The following HMBOX1 variants were observed in gnomAD, a reference collection of about 807,000 sequenced individuals.
HMBOX1 encodes homeobox containing 1.
A neutral mutation model predicts 54.5 loss-of-function variants in HMBOX1; 14 were observed. The observed-to-expected ratio is 0.26, with a 90% CI of 0.17 to 0.40. HMBOX1 has a LOEUF of 0.40. Among genes scored for constraint, HMBOX1 ranks in the 10% least tolerant of loss-of-function variants. The probability of loss-of-function intolerance (pLI) is 1.00; values close to 1 mark genes in which losing one functional copy is unlikely to be tolerated. For missense variants in HMBOX1, 332 were observed against 514.4 expected (o/e 0.65, Z 3.43); for synonymous variants, 160 against 181.0 (o/e 0.88, Z 0.93).
chr8:28,951,426 C>T (rs543415048), intron 1 of HMBOX1, among the ~76,000 whole-genome samples: 12 of 152,236 alleles, frequency 7.9e-5, no homozygotes, highest in Admixed American at 7.2e-4. Flanking sequence ...CCACTGCGCC[C>T]GGCCCAAATA....
rs1186392080 is a variant in HMBOX1 at position 28,970,434 on chromosome 8, G to A, written c.415G>A (p.Ala139Thr). 6.2e-7 allele frequency: 1 copy of A among 1,614,070 alleles called. No individual in the cohort carries two copies. The highest frequency in any genetic ancestry group is 1.1e-5 in the South Asian group (1 of 91,078). ...AAAGATGTCACCAACTCGCTACCAT[G>A]CAAACAGCATGGGTCAGAGGTCATA... is the stretch of plus-strand genomic sequence containing the variant. ...NGKMSPTRYHANSMGQRSYSF... is the reference protein window; with the variant it reads ...NGKMSPTRYHTNSMGQRSYSF... The change falls in exon 3 of 10, where the codon GCA becomes ACA. Residue 139 changes from alanine to threonine, a missense_variant. Coordinates refer to ENST00000287701, the MANE Select transcript of HMBOX1 (RefSeq NM_001135726.3). The surrounding 1 kb of genome is among the most constrained non-coding windows in gnomAD (Gnocchi z 4.3).
chr8:29,053,259 C>G lies in HMBOX1; in HGVS notation c.*2104C>G, dbSNP rs1410002553. On this transcript the variant is annotated 3_prime_UTR_variant, in exon 10 of 10. Transcript: ENST00000287701. ...AAAATATATGTACTTTTTTCAGCTT[C>G]CAAGCATTGAAGTGAAGTGGAGCCG... 6.6e-6 allele frequency: 1 copy of G among 152,036 alleles called. No homozygotes were observed. Among genetic ancestry groups the G allele is most frequent in the African/African-American group, 2.4e-5 (1 of 41,384 alleles). The allele number at this position is 152,036 out of a possible 1,614,324, so 9.4% of individuals were successfully genotyped here. A position where few individuals can be genotyped will look rare whatever the true frequency, so the allele number is the denominator to read the frequency against.
At chr8:28,908,026 T>A (rs1248836140) in intron 1 of HMBOX1, among the ~76,000 whole-genome samples, 1 of 152,124 alleles carries the variant, frequency 6.6e-6, no homozygotes, top group Non-Finnish European at 1.5e-5. Context: ...CTAGTTTTTG[T>A]ATTTTTTGTA....
intron 1 of HMBOX1, among the ~76,000 whole-genome samples, chr8:28,935,037 A>G (rs559275161): frequency 1.8e-4 from 27 of 152,234 alleles, no homozygotes; most frequent in Non-Finnish European, 3.1e-4. Flanking sequence ...AGTGGCATCA[A>G]AAAATGAAAT....
chr8:28,936,002 AAAG>A (rs1271995366), intron 1 of HMBOX1, among the ~76,000 whole-genome samples: 2 of 152,084 alleles, frequency 1.3e-5, no homozygotes, highest in African/African-American at 4.8e-5. Context: ...AAAAAATAGA[AAAG>A]AATATATATA....
intron 1 of HMBOX1, among the ~76,000 whole-genome samples, chr8:28,960,975 C>T (rs953748276): frequency 4.6e-5 from 7 of 151,210 alleles, no homozygotes; most frequent in African/African-American, 1.7e-4. Flanking sequence ...TTGGTAGAGA[C>T]GGGGTTTCAC....
chr8:28,964,476 A>G (rs1169577961), intron 2 of HMBOX1, among the ~76,000 whole-genome samples: 1 of 152,244 alleles, frequency 6.6e-6, no homozygotes, highest in East Asian at 1.9e-4. Context: ...ACCAGTTCAT[A>G]TTAAATAGGC....
At chr8:28,932,773 C>T (rs1819679483) in intron 1 of HMBOX1, among the ~76,000 whole-genome samples, 1 of 152,186 alleles carries the variant, frequency 6.6e-6, no homozygotes, top group Non-Finnish European at 1.5e-5. Flanking sequence ...TCCTCAGGAG[C>T]TGCATTTAGG....
intron 6 of HMBOX1, among the ~76,000 whole-genome samples, chr8:29,029,702 CTTACGG>C (rs1443483489): frequency 6.6e-6 from 1 of 152,188 alleles, no homozygotes; most frequent in African/African-American, 2.4e-5. Flanking sequence ...ATTTTGAGAA[CTTACGG>C]TTACGGGAAC....
chr8:29,029,809 G>A (rs1802635019), intron 6 of HMBOX1, among the ~76,000 whole-genome samples: 1 of 152,242 alleles, frequency 6.6e-6, no homozygotes, highest in South Asian at 2.1e-4. Context: ...TTTATTGACG[G>A]TTGCTAAGGT....
At position 29,051,195 on chromosome 8, in the gene HMBOX1, G is replaced by T. The variant is rs772505164; in HGVS notation, c.*40G>T. ...CATGACAAGTTAACTTAGTTTAGAC[G>T]TAGCACCTTAGCAGACTTTCCTCGG... On this transcript the variant is annotated 3_prime_UTR_variant, in exon 10 of 10. Transcript: ENST00000287701. The T allele has an allele frequency of 6.2e-7, 1 of 1,606,840 alleles. No homozygotes were observed. The highest frequency in any genetic ancestry group is 8.5e-7 in the Non-Finnish European group (1 of 1,176,282).
chr8:29,023,135 T>G (rs1433110289), intron 6 of HMBOX1, among the ~76,000 whole-genome samples: 3 of 152,174 alleles, frequency 2.0e-5, no homozygotes, highest in Admixed American at 2.0e-4. Context: ...GATATAGATG[T>G]AGGTACAGAT....
chr8:29,039,933 C>A (rs1804578147), intron 6 of HMBOX1, among the ~76,000 whole-genome samples: 1 of 152,080 alleles, frequency 6.6e-6, no homozygotes, highest in Admixed American at 6.6e-5. Context: ...CTTATGTAAG[C>A]CCTATAGTGT....
At chr8:29,005,975 C>T (rs1833391856) in intron 4 of HMBOX1, among the ~76,000 whole-genome samples, 2 of 149,958 alleles carry the variant, frequency 1.3e-5, no homozygotes, top group South Asian at 2.1e-4. Flanking sequence ...GTAGCTATCA[C>T]AGTTGATGCA....
At chr8:29,031,213 G>A (rs556555350) in intron 6 of HMBOX1, among the ~76,000 whole-genome samples, 1 of 152,278 alleles carries the variant, frequency 6.6e-6, no homozygotes, top group South Asian at 2.1e-4. Context: ...AAGAGCCCAT[G>A]TGTCTGACCA....
intron 5 of HMBOX1, among the ~76,000 whole-genome samples, chr8:29,013,259 A>G (rs1226186331): frequency 6.6e-6 from 1 of 152,004 alleles, no homozygotes; most frequent in Non-Finnish European, 1.5e-5. Flanking sequence ...CCTCAGCCTC[A>G]GGAGTAGCTG....
intron 5 of HMBOX1, among the ~76,000 whole-genome samples, chr8:29,016,504 T>C (rs899924772): frequency 1.3e-5 from 2 of 152,248 alleles, no homozygotes; most frequent in Admixed American, 6.5e-5. Flanking sequence ...TCTTATACAA[T>C]AAATTATCCA....
intron 7 of HMBOX1, 80 bp downstream of exon 7, chr8:29,045,523 AT>A (rs1407369368): frequency 1.4e-5 from 16 of 1,105,192 alleles, no homozygotes. Flanking sequence ...ACTTAATCTT[AT>A]GCGTGCCTTG....
At chr8:28,898,350 T>G (rs1812566452) in intron 1 of HMBOX1, among the ~76,000 whole-genome samples, 1 of 152,230 alleles carries the variant, frequency 6.6e-6, no homozygotes, top group Non-Finnish European at 1.5e-5. Context: ...TACCTGTGAT[T>G]TCAGTTTTTT....
Sources: gnomAD v4.1 joint callset for allele counts (sites outside exome capture counted in the v4.1 genomes callset) on GRCh38, gnomAD v4.1.1 for gene constraint, Gnocchi (gnomAD v3.1) non-coding constraint, MANE v1.5 for transcripts, NCBI Gene and HGNC (gene_info 2026-07-23, HGNC 2026-07-21) for gene names.